PLB1: variants seen among roughly 807,000 people sequenced by gnomAD.
PLB1 encodes phospholipase B1, also known as phospholipase B1, membrane-associated.
In PLB1, 242 loss-of-function variants were observed where a neutral mutation model predicts 227.4. The observed-to-expected ratio is 1.06, with a 90% CI of 0.96 to 1.18. The LOEUF is 1.18. Among genes scored for constraint, PLB1 ranks in the 50% most tolerant of loss-of-function variants. The pLI is 0.00. For missense variants in PLB1, 1,858 were observed against 1,816.3 expected (o/e 1.02, Z -0.42); for synonymous variants, 757 against 682.2 (o/e 1.11, Z -1.71).
intron 10 of PLB1, 28 bp from the exon 11 acceptor site, chr2:28,539,071 T>A: frequency 1.3e-6 from 2 of 1,589,298 alleles, no homozygotes; most frequent in Non-Finnish European, 1.7e-6. Context: ...TGGCAAATAC[T>A]CACCTCCCTC....
intron 26 of PLB1, among the ~76,000 whole-genome samples, chr2:28,588,899 C>T (rs1681363575): frequency 6.6e-6 from 1 of 152,138 alleles, no homozygotes; most frequent in Non-Finnish European, 1.5e-5. Flanking sequence ...GGCGCGGTGG[C>T]TCGCACCTGT....
At chr2:28,628,778 T>G in intron 52 of PLB1, 150 bp downstream of exon 52, 1 of 797,126 alleles carries the variant, frequency 1.3e-6, no homozygotes, top group South Asian at 1.6e-5. Flanking sequence ...GTCAAGCTCC[T>G]CTGCAGGGAA....
Position 28,573,292 on chromosome 2 carries a change from G to A in PLB1, c.1420G>A (p.Gly474Arg), listed in dbSNP as rs1363501326. The part of the protein sequence containing the change: ...PNAFLNQAVA[G>R]GRAEDLPVQA... ...TGCCTTCTTAAACCAGGCTGTGGCA[G>A]GAGGCCGAGCTGAGTAAGCAGGGGT... Residue 474 changes from glycine to arginine, a missense_variant, in exon 21 of 58, where the codon GGA becomes AGA. Transcript: ENST00000327757. The A allele has an allele frequency of 1.9e-6, 3 of 1,613,382 alleles. No homozygotes were observed. Among genetic ancestry groups the A allele is most frequent in the South Asian group, 1.1e-5 (1 of 91,072 alleles).
intron 57 of PLB1, among the ~76,000 whole-genome samples, chr2:28,642,359 G>A (rs1171388942): frequency 2.0e-5 from 3 of 152,140 alleles, no homozygotes; most frequent in Admixed American, 6.5e-5. Context: ...AGTGGAGAGG[G>A]GCATAGGAAG....
At chr2:28,525,694 G>A (rs1196726765) in intron 5 of PLB1, among the ~76,000 whole-genome samples, 1 of 152,162 alleles carries the variant, frequency 6.6e-6, no homozygotes, top group Non-Finnish European at 1.5e-5. Context: ...CGGGTTGGAG[G>A]AGCGGAGGAG....
intron 44 of PLB1, among the ~76,000 whole-genome samples, chr2:28,615,860 G>T (rs750840512): frequency 6.6e-6 from 1 of 152,232 alleles, no homozygotes; most frequent in Admixed American, 6.5e-5. Context: ...CTAGAAGGGC[G>T]TGTGTTTGTT....
At chr2:28,632,375 G>A (rs184668948) in intron 55 of PLB1, among the ~76,000 whole-genome samples, 42 of 145,756 alleles carry the variant, frequency 2.9e-4, no homozygotes, top group African/African-American at 8.6e-4. Flanking sequence ...TGGCCCTGAT[G>A]TTTTCTGGAT....
At position 28,561,873 on chromosome 2, in the gene PLB1, CAGTG is replaced by C. The variant is rs1244145386; in HGVS notation, c.1148-1165_1148-1162del. 2.0e-5 allele frequency among the ~76,000 whole-genome samples: 3 copies of C among 152,220 alleles called. No homozygotes were observed. The East Asian group carries it at 5.8e-4, about 30-fold the overall frequency. On this transcript the variant is annotated intron_variant, in intron 17 of 57. Transcript: ENST00000327757. ...CCACTGCACTCCAGCCCAGGTGACA[CAGTG>C]AGACTTTGTCTCAAAAGATAAAAAT...
At chr2:28,616,414 A>C (rs985510973) in intron 44 of PLB1, among the ~76,000 whole-genome samples, 2 of 152,234 alleles carry the variant, frequency 1.3e-5, no homozygotes, top group Non-Finnish European at 2.9e-5. Context: ...AAGAGGCTTT[A>C]CCTGGGAGCT....
rs535158043 is a variant in PLB1, at chr2:28,575,235, G to T, written c.1433+1930G>T. Among the ~76,000 whole-genome samples, 4 of 152,214 alleles carry T rather than the reference G, an allele frequency of 2.6e-5. No homozygotes were observed. The South Asian group carries it at 8.3e-4, about 32-fold the overall frequency. Reference sequence around the variant, plus strand: ...TGCAGGAGTAAAGTGATATCTCATTGTTTTAATTTGCATTTCCCTGACACT... The same window carrying T: ...TGCAGGAGTAAAGTGATATCTCATTTTTTTAATTTGCATTTCCCTGACACT... On this transcript the variant is annotated intron_variant, in intron 21 of 57. Coordinates refer to ENST00000327757, the MANE Select transcript of PLB1 (RefSeq NM_153021.5).
chr2:28,512,688 CTT>C (rs34213887), intron 1 of PLB1, among the ~76,000 whole-genome samples: 23 of 143,024 alleles, frequency 1.6e-4, no homozygotes, highest in Non-Finnish European at 1.2e-4. Context: ...TTTCTTTCTT[CTT>C]TTTTTTTTTT....
At chr2:28,636,009 G>A (rs11902714) in intron 56 of PLB1, among the ~76,000 whole-genome samples, 1,631 of 148,738 alleles carry the variant, frequency 0.011, 26 homozygotes, top group African/African-American at 0.038. Context: ...GTATGTGTAT[G>A]TATGTATGAA....
At position 28,592,687 on chromosome 2, in the gene PLB1, C is replaced by A. The variant is rs759334482; in HGVS notation, c.2215C>A (p.Gln739Lys). 1.9e-6 allele frequency: 3 copies of A among 1,614,042 alleles called. No individual in the cohort carries two copies. The highest frequency in any genetic ancestry group is 1.7e-6 in the Non-Finnish European group (2 of 1,180,036). ...SVHALRPADIQVVAALGDSLT... is the reference protein window; with the variant it reads ...SVHALRPADIKVVAALGDSLT... ...GCATGCCCTGAGACCTGCAGACATC[C>A]AAGTTGTGGCTGCTCTGGGGGATTC... Residue 739 changes from glutamine (Q) to lysine (K), a missense_variant, in exon 32 of 58, where the codon CAA (glutamine) becomes AAA (lysine). By Grantham distance (53) the Gln-to-Lys change is moderately conservative. Coordinates refer to ENST00000327757, the MANE Select transcript of PLB1 (RefSeq NM_153021.5).
At chr2:28,532,083 T>C in intron 8 of PLB1, 25 bp from the exon 9 acceptor site, 1 of 1,574,280 alleles carries the variant, frequency 6.4e-7, no homozygotes, top group Non-Finnish European at 8.7e-7. Context: ...CAATCTCCTT[T>C]TCATGCTGTT....
In PLB1 at chr2:28,614,108, C is replaced by G; in HGVS notation, c.3195+12C>G. On this transcript the variant is annotated intron_variant, in intron 44 of 57. Coordinates refer to ENST00000327757, the MANE Select transcript of PLB1 (RefSeq NM_153021.5). ...AGCCAGCCATTGAGGTAACCCCTGACTCACATCTGCCTCTCTCAGACACAA... is the reference window on the plus strand; with the variant it reads ...AGCCAGCCATTGAGGTAACCCCTGAGTCACATCTGCCTCTCTCAGACACAA... 1.9e-6 allele frequency: 3 copies of G among 1,602,714 alleles called. No individual in the cohort carries two copies. Among genetic ancestry groups the G allele is most frequent in the Non-Finnish European group, 2.6e-6 (3 of 1,169,654 alleles).
intron 1 of PLB1, among the ~76,000 whole-genome samples, chr2:28,506,871 GCCA>G (rs1189933806): frequency 1.3e-5 from 2 of 152,178 alleles, no homozygotes. Flanking sequence ...CAAGCCTTAG[GCCA>G]CCATTTCCTT....
At chr2:28,642,472 C>T (rs60212462) in intron 57 of PLB1, among the ~76,000 whole-genome samples, 9,622 of 152,238 alleles carry the variant, frequency 0.063, 1,027 homozygotes, top group African/African-American at 0.22. Context: ...TGCTGCCCTT[C>T]CCTGATTTCT....
At chr2:28,602,765 A>G in intron 38 of PLB1, 56 bp from the exon 39 acceptor site, 2 of 1,495,972 alleles carry the variant, frequency 1.3e-6, no homozygotes, top group East Asian at 2.3e-5. Context: ...GGGCCCTGAG[A>G]CAGCCCCAGG....
intron 33 of PLB1, among the ~76,000 whole-genome samples, chr2:28,596,234 A>G (rs1682893369): frequency 6.6e-6 from 1 of 152,182 alleles, no homozygotes. Flanking sequence ...AATGATATCC[A>G]TCTGAAGGGT....
Sources: gnomAD v4.1 joint callset for allele counts (sites outside exome capture counted in the v4.1 genomes callset) on GRCh38, gnomAD v4.1.1 for gene constraint, MANE v1.5 for transcripts, NCBI Gene and HGNC (gene_info 2026-07-23, HGNC 2026-07-21) for gene names.